Variants in MTUS2 observed in about 807,000 individuals in gnomAD.
The protein encoded by MTUS2 is microtubule associated scaffold protein 2.
In MTUS2, 40 loss-of-function variants were observed where a neutral mutation model predicts 114.1. The observed-to-expected ratio is 0.35, with a 90% CI of 0.27 to 0.46. The LOEUF is 0.46. MTUS2 is among the 20% of genes least tolerant of loss of function. The pLI is 1.00. For synonymous variants in MTUS2, 688 were observed against 672.0 expected (o/e 1.02, Z -0.37); for missense variants, 1,679 against 1,705.4 (o/e 0.98, Z 0.27).
chr13:28,976,248 A>AT (rs5802499), intron 2 of MTUS2, among the ~76,000 whole-genome samples: 71,615 of 147,878 alleles, frequency 0.48, 18,595 homozygotes, highest in East Asian at 0.76. Context: ...AAAGAATTAG[A>AT]GAAATAAGAT....
intron 9 of MTUS2, among the ~76,000 whole-genome samples, chr13:29,461,177 AG>A (rs1879461512): frequency 6.6e-6 from 1 of 152,072 alleles, no homozygotes; most frequent in Non-Finnish European, 1.5e-5. Flanking sequence ...AGAGAGAGTG[AG>A]GGCAGGACAG....
chr13:28,868,812 C>A (rs755128330), intron 2 of MTUS2, among the ~76,000 whole-genome samples: 1 of 152,174 alleles, frequency 6.6e-6, no homozygotes, highest in East Asian at 1.9e-4. Flanking sequence ...ATATAAGGTC[C>A]CTATCTGCCA....
At chr13:29,455,684 G>C (rs987110910) in intron 9 of MTUS2, among the ~76,000 whole-genome samples, 1 of 152,136 alleles carries the variant, frequency 6.6e-6, no homozygotes, top group Non-Finnish European at 1.5e-5. Context: ...GTAGTCAGTA[G>C]AAATGGGTAT....
intron 2 of MTUS2, among the ~76,000 whole-genome samples, chr13:29,001,650 A>C (rs1885390462): frequency 6.6e-6 from 1 of 152,186 alleles, no homozygotes; most frequent in South Asian, 2.1e-4. Context: ...CAGGCAGAAC[A>C]GTGGCCCCCC....
chr13:28,988,190 G>T (rs1384117373), intron 2 of MTUS2, among the ~76,000 whole-genome samples: 2 of 151,914 alleles, frequency 1.3e-5, no homozygotes, highest in Non-Finnish European at 2.9e-5. Flanking sequence ...GGACTGGAGG[G>T]ACAAAAGTGA....
chr13:29,073,443 A>T (rs1156535020), intron 4 of MTUS2, among the ~76,000 whole-genome samples: 1 of 152,076 alleles, frequency 6.6e-6, no homozygotes, highest in Non-Finnish European at 1.5e-5. Context: ...AAATAATGCC[A>T]GGGAACCACA....
chr13:28,950,795 GT>G (rs1267357812), intron 2 of MTUS2, among the ~76,000 whole-genome samples: 3 of 152,160 alleles, frequency 2.0e-5, no homozygotes, highest in Admixed American at 6.5e-5. Flanking sequence ...TAATGAAAAA[GT>G]TTGAAATATT....
At position 28,829,571 on chromosome 13, in the gene MTUS2, T is replaced by C. The variant is rs1593227981; in HGVS notation, c.-316+8960T>C. On this transcript the variant is annotated intron_variant, in intron 1 of 15. Coordinates refer to ENST00000612955, the MANE Select transcript of MTUS2 (RefSeq NM_001033602.4). The stretch of plus-strand genomic sequence containing the variant: ...CAATAACTAATAGCCTAGAAGCCAC[T>C]GAAAGGGACAAAACAGGTTTAGAGC... Among the ~76,000 whole-genome samples, 4 of 151,900 alleles carry C rather than the reference T, an allele frequency of 2.6e-5. 1 individual carries two copies. Among genetic ancestry groups the C allele is most frequent in the Admixed American group, 2.6e-4 (4 of 15,240 alleles).
chr13:28,858,989 G>A (rs17072328), intron 2 of MTUS2, among the ~76,000 whole-genome samples: 4,832 of 152,238 alleles, frequency 0.032, 262 homozygotes, highest in African/African-American at 0.11. Context: ...CAATAAGTTG[G>A]GTAACCCAGG....
chr13:29,189,451 G>T (rs908995471), intron 5 of MTUS2, among the ~76,000 whole-genome samples: 2 of 151,768 alleles, frequency 1.3e-5, no homozygotes, highest in Non-Finnish European at 2.9e-5. Flanking sequence ...GGGCTGTAAA[G>T]CTATCTTTGC....
At chr13:29,437,086 T>C (rs1382905946) in intron 8 of MTUS2, among the ~76,000 whole-genome samples, 1 of 152,164 alleles carries the variant, frequency 6.6e-6, no homozygotes, top group Non-Finnish European at 1.5e-5. Flanking sequence ...TGATTTGTTA[T>C]GATGTGAGAG....
At chr13:29,066,283 G>C (rs1378856129) in intron 4 of MTUS2, among the ~76,000 whole-genome samples, 3 of 152,042 alleles carry the variant, frequency 2.0e-5, no homozygotes, top group African/African-American at 7.2e-5. Flanking sequence ...TTCTTATTTT[G>C]CTTTTACACA....
chr13:29,183,330 A>G (rs1894085487), intron 5 of MTUS2, among the ~76,000 whole-genome samples: 1 of 151,998 alleles, frequency 6.6e-6, no homozygotes, highest in Non-Finnish European at 1.5e-5. Context: ...GGAAGGATGG[A>G]GCTGTCATCA....
chr13:29,281,069 G>T (rs1226590586), intron 5 of MTUS2, among the ~76,000 whole-genome samples: 26 of 152,174 alleles, frequency 1.7e-4, no homozygotes, highest in Admixed American at 1.7e-3. Flanking sequence ...TACCTTGGAA[G>T]TAATTCAGGG....
chr13:29,161,442 T>G (rs1008003859), intron 5 of MTUS2, among the ~76,000 whole-genome samples: 2 of 151,306 alleles, frequency 1.3e-5, no homozygotes, highest in African/African-American at 4.8e-5. Context: ...ATTATTATAA[T>G]ATATAGTATA....
intron 2 of MTUS2, among the ~76,000 whole-genome samples, chr13:28,938,687 T>C (rs1408323324): frequency 2.6e-5 from 4 of 152,148 alleles, no homozygotes; most frequent in African/African-American, 7.2e-5. Flanking sequence ...AGGGAACTTA[T>C]TGGAGAAATT....
intron 2 of MTUS2, among the ~76,000 whole-genome samples, chr13:28,911,327 C>CG (rs1566217438): frequency 6.6e-6 from 1 of 151,704 alleles, no homozygotes; most frequent in Non-Finnish European, 1.5e-5. Flanking sequence ...AGGCACGTAC[C>CG]ACCATGCCCA....
intron 2 of MTUS2, among the ~76,000 whole-genome samples, chr13:28,888,929 C>T (rs1219070558): frequency 6.6e-6 from 1 of 152,124 alleles, no homozygotes; most frequent in Non-Finnish European, 1.5e-5. Flanking sequence ...CAACCCAAAT[C>T]ATTTGGAAAG....
chr13:29,449,081 C>T (rs911313627), intron 9 of MTUS2, among the ~76,000 whole-genome samples: 1 of 152,092 alleles, frequency 6.6e-6, no homozygotes, highest in Non-Finnish European at 1.5e-5. Flanking sequence ...CAGAGTTTCT[C>T]AGGTATTGTA....
Sources: allele counts gnomAD v4.1 joint callset (sites outside exome capture counted in the v4.1 genomes callset), GRCh38; gene constraint gnomAD v4.1.1; transcripts MANE v1.5; gene names NCBI Gene and HGNC (gene_info 2026-07-23, HGNC 2026-07-21).